The following PDE6B variants were observed in gnomAD, a reference collection of about 807,000 sequenced individuals.
PDE6B encodes rod cGMP-specific 3',5'-cyclic phosphodiesterase subunit beta.
PDE6B carries 106 observed loss-of-function variants against 109.0 expected under a neutral mutation model. The ratio of observed to expected loss-of-function variants is 0.97; its 90% CI spans 0.83 to 1.14. PDE6B has a LOEUF of 1.14. Ranked by LOEUF, PDE6B falls within the 50% of genes most tolerant of loss-of-function variation. PDE6B has a pLI of 0.00. For missense variants in PDE6B, 1,193 were observed against 1,155.6 expected (o/e 1.03, Z -0.47); for synonymous variants, 490 against 471.3 (o/e 1.04, Z -0.51).
chr4:645,290 ATTT>A lies in PDE6B; in HGVS notation c.712-8541_712-8539del, dbSNP rs530937075. Among the ~76,000 whole-genome samples, 710 of 117,706 alleles carry A rather than the reference ATTT, an allele frequency of 6.0e-3. 2 individuals carry two copies. Among genetic ancestry groups the A allele is most frequent in the African/African-American group, 0.02 (599 of 30,486 alleles). The allele number at this position is 117,706 out of a possible 152,430, so 77.2% of individuals were successfully genotyped here. A position where few individuals can be genotyped will look rare whatever the true frequency, so the allele number is the denominator to read the frequency against. ...CAAGTGGTGTATTTAGGCTAGTCAC[ATTT>A]TTTTTTTTTTTTTTTTTTTTGAGAC... On this transcript the variant is annotated intron_variant, in intron 3 of 21. Coordinates refer to ENST00000496514, the MANE Select transcript of PDE6B (RefSeq NM_000283.4).
chr4:626,445 C>T lies in PDE6B; in HGVS notation c.468+351C>T, dbSNP rs1208418163. ...ATGTAGTCCCTGTGAGGACCCCTGG[C>T]TTCCAGGAAGACTGACCAGATGGGG... On this transcript the variant is annotated intron_variant, in intron 1 of 21. Coordinates refer to ENST00000496514, the MANE Select transcript of PDE6B (RefSeq NM_000283.4). This position sits in a 1 kb window ranked among gnomAD's most constrained non-coding sequence, Gnocchi z 4.6. Among the ~76,000 whole-genome samples, 1 of 152,202 alleles carries T rather than the reference C, an allele frequency of 6.6e-6. No individual in the cohort carries two copies. The highest frequency in any genetic ancestry group is 1.5e-5 in the Non-Finnish European group (1 of 68,020).
In PDE6B at chr4:657,209, G is replaced by A. The variant is rs61662357; in HGVS notation, c.1258-142G>A. The A allele has an allele frequency of 2.1e-3, 2,421 of 1,154,874 alleles. 41 individuals carry two copies. The African/African-American group carries it at 0.033, about 16-fold the overall frequency. The allele number at this position is 1,154,874 out of a possible 1,614,324, so 71.5% of individuals were successfully genotyped here. A position where few individuals can be genotyped will look rare whatever the true frequency, so the allele number is the denominator to read the frequency against. On this transcript the variant is annotated intron_variant, in intron 9 of 21. Transcript: ENST00000496514. ...GAGCAGGAGCCTCTGCAGAGCACCC[G>A]GGAGACCCCACACAGAAGCACTGCG...
At chr4:653,381 C>A in intron 3 of PDE6B, 1 of 1,088,028 alleles carries the variant, frequency 9.2e-7, no homozygotes. Context: ...GCGGGATGTC[C>A]TGAGTGGGGT....
At chr4:656,329 TACAAAA>T in intron 8 of PDE6B, 37 bp downstream of exon 8, 1 of 1,307,756 alleles carries the variant, frequency 7.6e-7, no homozygotes, top group Non-Finnish European at 1.1e-6. Context: ...TATACTTACT[TACAAAA>T]GAGGAGATTT....
chr4:667,431 C>T (rs1430699085), intron 20 of PDE6B, among the ~76,000 whole-genome samples: 1 of 152,214 alleles, frequency 6.6e-6, no homozygotes, highest in Non-Finnish European at 1.5e-5. Context: ...CACCCCGCCA[C>T]ACTCCATGTG....
In PDE6B at chr4:626,022, C is replaced by G. The variant is rs753462853; in HGVS notation, c.396C>G (p.Phe132Leu). The G allele has an allele frequency of 1.0e-5, 16 of 1,594,778 alleles. No homozygotes were observed. Among genetic ancestry groups the G allele is most frequent in the Non-Finnish European group, 1.2e-5 (14 of 1,171,428 alleles). Residue 132 changes from phenylalanine to leucine, a missense_variant, in exon 1 of 22, where the codon TTC becomes TTG. Phe to Leu is a conservative substitution (Grantham distance 22, BLOSUM62 0). Transcript: ENST00000496514. This position sits in a 1 kb window ranked among gnomAD's most constrained non-coding sequence, Gnocchi z 4.6. Reference sequence around the variant, plus strand: ...TGCCCCCCGACTCCGAGATCGTCTTCCCACTGGACATCGGGGTCGTGGGCC... The same window carrying G: ...TGCCCCCCGACTCCGAGATCGTCTTGCCACTGGACATCGGGGTCGTGGGCC... ...CLVPPDSEIVFPLDIGVVGHV... is the reference protein window; with the variant it reads ...CLVPPDSEIVLPLDIGVVGHV...
chr4:629,876 GCA>G (rs909941646), intron 1 of PDE6B, among the ~76,000 whole-genome samples: 1 of 152,194 alleles, frequency 6.6e-6, no homozygotes, highest in Non-Finnish European at 1.5e-5. Flanking sequence ...GGCTATGTGA[GCA>G]CACACAGCCC....
chr4:659,259 G>A (rs1309044106), intron 11 of PDE6B, among the ~76,000 whole-genome samples: 1 of 152,212 alleles, frequency 6.6e-6, no homozygotes, highest in Non-Finnish European at 1.5e-5. Context: ...TGGCTTTGAT[G>A]TCTGCACTCC....
intron 3 of PDE6B, among the ~76,000 whole-genome samples, chr4:645,874 T>TA (rs1387712175): frequency 1.3e-5 from 2 of 152,052 alleles, no homozygotes; most frequent in Non-Finnish European, 2.9e-5. Context: ...CTGCTTCACT[T>TA]AGAGTGTGGC....
At chr4:644,918 G>A (rs1022417430) in intron 3 of PDE6B, among the ~76,000 whole-genome samples, 1 of 152,094 alleles carries the variant, frequency 6.6e-6, no homozygotes, top group Non-Finnish European at 1.5e-5. Context: ...GTCTCCAACA[G>A]TAGTGGAGGA....
At position 670,390 on chromosome 4, in the gene PDE6B, C is replaced by A. The variant is rs1354074775; in HGVS notation, c.*283C>A. 2 of 383,172 alleles carry A rather than the reference C, an allele frequency of 5.2e-6. No homozygotes were observed. Among genetic ancestry groups the A allele is most frequent in the Non-Finnish European group, 9.8e-6 (2 of 203,858 alleles). The allele number at this position is 383,172 out of a possible 1,614,324, so 23.7% of individuals were successfully genotyped here. On this transcript the variant is annotated 3_prime_UTR_variant, in exon 22 of 22. Transcript: ENST00000496514. Reference sequence around the variant, plus strand: ...CCTGAGTAGCTGGGACTACAGGCGCCCACCACCACACATGGCTAATTTTTG... The same window carrying A: ...CCTGAGTAGCTGGGACTACAGGCGCACACCACCACACATGGCTAATTTTTG...
At chr4:652,675 T>G (rs1735687462) in intron 3 of PDE6B, 1 of 182,362 alleles carries the variant, frequency 5.5e-6, no homozygotes. Flanking sequence ...TTGCACTGGG[T>G]GCTAAGTCAT....
chr4:653,942 C>A lies in PDE6B; in HGVS notation c.802C>A (p.Leu268Ile), dbSNP rs770115481. 2 of 1,613,764 alleles carry A rather than the reference C, an allele frequency of 1.2e-6. No individual in the cohort carries two copies. The highest frequency in any genetic ancestry group is 1.7e-6 in the Non-Finnish European group (2 of 1,179,998). ...HKAFYTVRAY[L>I]NCERYSVGLL... ...GGCCTTCTACACGGTGCGGGCCTAC[C>A]TCAACTGCGAGCGGTACTCCGTGGG... The change falls in exon 4 of 22, where the codon CTC (leucine) becomes ATC (isoleucine). Residue 268 changes from leucine to isoleucine, a missense_variant. Coordinates refer to ENST00000496514, the MANE Select transcript of PDE6B (RefSeq NM_000283.4).
intron 11 of PDE6B, among the ~76,000 whole-genome samples, chr4:659,614 TTGTA>T (rs1736803942): frequency 7.0e-6 from 1 of 142,030 alleles, no homozygotes; most frequent in African/African-American, 2.8e-5. Flanking sequence ...CGTGTGTGCA[TTGTA>T]TGAATGTGCA....
In PDE6B at chr4:663,269, C is replaced by T. The variant is rs912670977; in HGVS notation, c.1920+82C>T. 7 of 850,306 alleles carry T rather than the reference C, an allele frequency of 8.2e-6. No homozygotes were observed. In the East Asian group the frequency reaches 1.7e-4, roughly 21 times the overall value. 52.7% of individuals were successfully genotyped at this position (850,306 alleles called of 1,614,324 possible). On this transcript the variant is annotated intron_variant, in intron 15 of 21. Transcript: ENST00000496514. This position sits in a 1 kb window ranked among gnomAD's most constrained non-coding sequence, Gnocchi z 4.0. ...GACGGCAGGGCCGTATCCTGCGGAG[C>T]AGGGTTCTGATGCAGCGGGTGAGCA...
Position 662,188 on chromosome 4 carries a change from C to T in PDE6B, c.1669C>T (p.His557Tyr), listed in dbSNP as rs121918581. ...ISKGYRRITY[H>Y]NWRHGFNVAQ... ...CAAAGGGTACCGGAGAATCACCTAC[C>T]ACAACTGGCGCCACGGCTTCAACGT... The change falls in exon 13 of 22, where the codon CAC (histidine) becomes TAC (tyrosine). Residue 557 changes from histidine to tyrosine, a missense_variant. Transcript: ENST00000496514. This position sits in a 1 kb window ranked among gnomAD's most constrained non-coding sequence, Gnocchi z 4.3. 22 of 1,582,082 alleles carry T rather than the reference C, an allele frequency of 1.4e-5. No homozygotes were observed. The East Asian group carries it at 5.1e-4, about 37-fold the overall frequency.
chr4:648,113 A>G lies in PDE6B; in HGVS notation c.712-5739A>G, dbSNP rs555308370. Among the ~76,000 whole-genome samples the G allele has an allele frequency of 4.7e-4, 71 of 151,926 alleles. No homozygotes were observed. The highest frequency in any genetic ancestry group is 2.7e-3 in the South Asian group (13 of 4,804). On this transcript the variant is annotated intron_variant, in intron 3 of 21. Coordinates refer to ENST00000496514, the MANE Select transcript of PDE6B (RefSeq NM_000283.4). This position sits in a 1 kb window ranked among gnomAD's most constrained non-coding sequence, Gnocchi z 4.5. ...AAAGAAAGAGCCAAGAGTCAGGCGT[A>G]TTTGCCCGTTCTGTTGTCTGGTCAC...
chr4:654,810 C>T lies in PDE6B; in HGVS notation c.928-14C>T. 6.9e-7 allele frequency: 1 copy of T among 1,454,486 alleles called. No homozygotes were observed. The highest frequency in any genetic ancestry group is 2.3e-5 in the East Asian group (1 of 44,158). The allele number at this position is 1,454,486 out of a possible 1,614,324, so 90.1% of individuals were successfully genotyped here. ...GGCCAGGCAGCCCCCCGACCAGTGT[C>T]TTCTGCTTCTCAGGAAATTGTCTTC... On this transcript the variant is annotated splice_polypyrimidine_tract_variant and intron_variant, in intron 5 of 21. Transcript: ENST00000496514.
chr4:651,185 G>A (rs1354123194), intron 3 of PDE6B, among the ~76,000 whole-genome samples: 19 of 150,370 alleles, frequency 1.3e-4, no homozygotes, highest in African/African-American at 2.7e-4. Context: ...CAGTGGGGCC[G>A]TCACAGGCGG....
Sources: gnomAD v4.1 joint callset for allele counts (sites outside exome capture counted in the v4.1 genomes callset) on GRCh38, gnomAD v4.1.1 for gene constraint, Gnocchi (gnomAD v3.1) non-coding constraint, MANE v1.5 for transcripts, NCBI Gene and HGNC (gene_info 2026-07-23, HGNC 2026-07-21) for gene names.